Variants in GALNTL6 observed in about 807,000 individuals in gnomAD.
The protein encoded by GALNTL6 is polypeptide N-acetylgalactosaminyltransferase like 6, also known as polypeptide N-acetylgalactosaminyltransferase-like 6.
Under a neutral mutation model 73.7 loss-of-function variants are expected in GALNTL6, and 46 were observed. The observed-to-expected ratio is 0.62, with a 90% CI of 0.49 to 0.80. The LOEUF (loss-of-function observed/expected upper bound fraction) is 0.80, where lower values mean the gene tolerates loss of function less well. GALNTL6 is among the 30% of genes least tolerant of loss of function. The pLI is 0.00. For missense variants in GALNTL6, 604 were observed against 755.0 expected, an observed-to-expected ratio of 0.80 and a Z score of 2.34; for synonymous variants, 259 against 263.7, an observed-to-expected ratio of 0.98 and a Z score of 0.17.
At chr4:172,311,429 C>T (rs1740353391) in intron 3 of GALNTL6, among the ~76,000 whole-genome samples, 185 bp from the exon 4 acceptor site, 1 of 152,080 alleles carries the variant, frequency 6.6e-6, no homozygotes, top group Non-Finnish European at 1.5e-5. Flanking sequence ...GTGTGGTTTG[C>T]TTTTTATATT....
intron 2 of GALNTL6, among the ~76,000 whole-genome samples, chr4:171,973,353 A>C (rs529842799): frequency 6.6e-6 from 1 of 152,232 alleles, no homozygotes; most frequent in Non-Finnish European, 1.5e-5. Flanking sequence ...TCTGCAGTCT[A>C]GAACTTTGAC....
At chr4:172,572,461 A>G (rs1736796914) in intron 5 of GALNTL6, among the ~76,000 whole-genome samples, 1 of 152,168 alleles carries the variant, frequency 6.6e-6, no homozygotes, top group Admixed American at 6.5e-5. Context: ...AGGTTAATAT[A>G]TCAGACACTC....
chr4:172,054,759 T>C (rs918331342), intron 2 of GALNTL6, among the ~76,000 whole-genome samples: 1 of 152,190 alleles, frequency 6.6e-6, no homozygotes, highest in African/African-American at 2.4e-5. Context: ...TTCAATAGTA[T>C]AAAGGAAACC....
intron 2 of GALNTL6, among the ~76,000 whole-genome samples, chr4:172,092,753 C>A (rs1440402902): frequency 6.6e-6 from 1 of 151,844 alleles, no homozygotes; most frequent in East Asian, 1.9e-4. Flanking sequence ...CTACCCCTAC[C>A]TTTTTGTGAA....
chr4:172,237,746 T>C (rs913670522), intron 3 of GALNTL6, among the ~76,000 whole-genome samples: 28 of 152,294 alleles, frequency 1.8e-4, no homozygotes, highest in African/African-American at 6.7e-4. Flanking sequence ...CTTTAATCCA[T>C]CTTGAGCTGA....
intron 2 of GALNTL6, among the ~76,000 whole-genome samples, chr4:171,940,884 T>A (rs1738520137): frequency 6.6e-6 from 1 of 150,672 alleles, no homozygotes. Flanking sequence ...ATGTATGCAT[T>A]ATAAGAAAAT....
chr4:172,391,217 T>G (rs1271700133), intron 5 of GALNTL6, among the ~76,000 whole-genome samples: 1 of 152,240 alleles, frequency 6.6e-6, no homozygotes, highest in Non-Finnish European at 1.5e-5. Context: ...GAGGGTCTGG[T>G]CTCTGCTTTC....
At chr4:172,944,422 C>A (rs187342869) in intron 9 of GALNTL6, among the ~76,000 whole-genome samples, 67 of 152,292 alleles carry the variant, frequency 4.4e-4, no homozygotes, top group Admixed American at 1.5e-3. Flanking sequence ...CAATGAGATG[C>A]TACTGCATGC....
At chr4:171,875,807 T>C (rs750523417) in intron 2 of GALNTL6, among the ~76,000 whole-genome samples, 1 of 150,138 alleles carries the variant, frequency 6.7e-6, no homozygotes, top group Non-Finnish European at 1.5e-5. Context: ...GGGCATGGGA[T>C]TTTCCAGAGC....
rs758930378 is a variant in GALNTL6, at chr4:171,989,117, A to AC, written c.138+174399_138+174400insC. 8.4e-3 allele frequency among the ~76,000 whole-genome samples: 1,271 copies of AC among 151,788 alleles called. 11 individuals carry two copies. The highest frequency in any genetic ancestry group is 0.015 in the Non-Finnish European group (1,021 of 67,728). ...GAGGTTTAGAAGCCTGGCCGTCAAT[A>AC]GCACAACAGTTATGGAAGCAAGGGA... On this transcript the variant is annotated intron_variant, in intron 2 of 12. Transcript: ENST00000506823.
chr4:172,834,081 C>T (rs1742780828), intron 7 of GALNTL6, among the ~76,000 whole-genome samples: 1 of 152,188 alleles, frequency 6.6e-6, no homozygotes, highest in South Asian at 2.1e-4. Context: ...TGCACTATTG[C>T]ACTCCAGCCT....
At chr4:172,229,827 A>G in intron 3 of GALNTL6, 63 bp downstream of exon 3, 1 of 967,492 alleles carries the variant, frequency 1.0e-6, no homozygotes, top group Admixed American at 1.9e-5. Context: ...TTTGTCACGT[A>G]AAGGATCTCT....
chr4:171,836,043 T>C (rs1387158307), intron 2 of GALNTL6, among the ~76,000 whole-genome samples: 2 of 150,882 alleles, frequency 1.3e-5, no homozygotes, highest in Non-Finnish European at 3.0e-5. Context: ...ATACTATCAC[T>C]TAGCCATACA....
intron 5 of GALNTL6, among the ~76,000 whole-genome samples, chr4:172,720,555 C>T (rs748407352): frequency 2.6e-5 from 4 of 152,162 alleles, no homozygotes; most frequent in African/African-American, 4.8e-5. Context: ...ATCTCTGACA[C>T]AAATATGCAG....
chr4:173,013,863 C>T (rs1329989443), intron 11 of GALNTL6, among the ~76,000 whole-genome samples: 1 of 152,114 alleles, frequency 6.6e-6, no homozygotes, highest in East Asian at 1.9e-4. Context: ...TAACTGTAAG[C>T]TTTATTCAAT....
At chr4:172,492,279 G>A (rs1448520330) in intron 5 of GALNTL6, among the ~76,000 whole-genome samples, 1 of 152,050 alleles carries the variant, frequency 6.6e-6, no homozygotes, top group Non-Finnish European at 1.5e-5. Context: ...GCTTATAGAG[G>A]TGTTCAATAA....
At chr4:172,276,554 T>G (rs1346426679) in intron 3 of GALNTL6, among the ~76,000 whole-genome samples, 1 of 152,222 alleles carries the variant, frequency 6.6e-6, no homozygotes, top group Non-Finnish European at 1.5e-5. Context: ...GAAGTTTTCT[T>G]GTAGTGGAGG....
chr4:172,194,023 G>A (rs1490954933), intron 2 of GALNTL6, among the ~76,000 whole-genome samples: 1 of 152,162 alleles, frequency 6.6e-6, no homozygotes, highest in Non-Finnish European at 1.5e-5. Context: ...CAGAAGGTGG[G>A]TAGTAACAAA....
intron 2 of GALNTL6, among the ~76,000 whole-genome samples, chr4:172,186,708 A>G (rs749207544): frequency 3.3e-5 from 5 of 152,110 alleles, no homozygotes; most frequent in Non-Finnish European, 4.4e-5. Context: ...TTTCATTTAT[A>G]TGAAATATGA....
Sources: gnomAD v4.1 joint callset for allele counts (sites outside exome capture counted in the v4.1 genomes callset) on GRCh38, gnomAD v4.1.1 for gene constraint, MANE v1.5 for transcripts, NCBI Gene and HGNC (gene_info 2026-07-23, HGNC 2026-07-21) for gene names.